Variants in PHRF1 observed in about 807,000 individuals in gnomAD.
The protein encoded by PHRF1 is PHD and ring finger domains 1.
In PHRF1, 53 loss-of-function variants were observed where a neutral mutation model predicts 128.9. That is an observed-to-expected ratio of 0.41 (90% CI 0.33 to 0.52). The LOEUF is 0.52. Ranked by LOEUF, PHRF1 falls within the 20% of genes least tolerant of loss-of-function variation. The pLI is 0.21. For synonymous variants in PHRF1, 1,178 were observed against 980.6 expected (o/e 1.20, Z -3.76); for missense variants, 2,503 against 2,284.5 (o/e 1.10, Z -1.95).
rs750849137 is a variant in PHRF1 at position 608,099 on chromosome 11, C to T, written c.2643C>T (p.Ser881=). ...TGCAGGCTGTGCGCTGCGTCACCTC[C>T]TACACGGTGGAGAGCATCTTTGGTA... is the stretch of plus-strand genomic sequence containing the variant. ...QTVQAVRCVT[S]YTVESIFGTE... The change falls in exon 14 of 18, where the codon TCC becomes TCT. Residue 881 remains serine (S), a synonymous_variant. Coordinates refer to ENST00000264555, the MANE Select transcript of PHRF1 (RefSeq NM_001286581.2). 1.2e-6 allele frequency: 2 copies of T among 1,611,886 alleles called. No individual in the cohort carries two copies.
At position 611,078 on chromosome 11, in the gene PHRF1, A is replaced by C; in HGVS notation, c.4802A>C (p.Gln1601Pro). 1 of 1,612,784 alleles carries C rather than the reference A, an allele frequency of 6.2e-7. No individual in the cohort carries two copies. The highest frequency in any genetic ancestry group is 8.5e-7 in the Non-Finnish European group (1 of 1,179,636). The change falls in exon 17 of 18, where the codon CAG becomes CCG. Residue 1601 changes from glutamine (Q) to proline (P), a missense_variant. Physicochemically the swap from Gln to Pro is moderately conservative, Grantham distance 76 (BLOSUM62 -1). Transcript: ENST00000264555. Reference protein sequence around the residue: ...EYKDILRKAVQKICHSKSGEI... With the variant: ...EYKDILRKAVPKICHSKSGEI... ...AAGGACATCCTGCGCAAGGCCGTGC[A>C]GAAGGTGGGCTGTGTGCGAGCCTGT... is the stretch of plus-strand genomic sequence containing the variant.
At chr11:593,583 T>C (rs528920573) in intron 6 of PHRF1, among the ~76,000 whole-genome samples, 8 of 152,334 alleles carry the variant, frequency 5.3e-5, no homozygotes, top group South Asian at 4.1e-4. Flanking sequence ...AGGCCTCTGC[T>C]CCACTCACGC....
intron 13 of PHRF1, 66 bp downstream of exon 13, chr11:606,662 A>C: frequency 6.6e-7 from 1 of 1,516,114 alleles, no homozygotes; most frequent in Non-Finnish European, 8.8e-7. Flanking sequence ...GTTCGCAAGC[A>C]CTCAGCCCAT....
At chr11:582,375 C>T (rs1854259514) in intron 3 of PHRF1, among the ~76,000 whole-genome samples, 1 of 151,548 alleles carries the variant, frequency 6.6e-6, no homozygotes, top group South Asian at 2.1e-4. Context: ...AGTGATTCTC[C>T]TGGCTCAGCC....
chr11:581,221 G>T (rs1854182729), intron 1 of PHRF1, among the ~76,000 whole-genome samples: 1 of 152,110 alleles, frequency 6.6e-6, no homozygotes, highest in Non-Finnish European at 1.5e-5. Context: ...CATGTGTAAG[G>T]CTTACTGGTG....
chr11:578,630 A>G (rs1253743313), intron 1 of PHRF1, among the ~76,000 whole-genome samples: 1 of 152,172 alleles, frequency 6.6e-6, no homozygotes, highest in African/African-American at 2.4e-5. Context: ...TTGTTCACAT[A>G]CTATGGCTCA....
Position 601,563 on chromosome 11 carries a change from C to T in PHRF1, c.1025-11C>T, listed in dbSNP as rs375934690. On this transcript the variant is annotated splice_polypyrimidine_tract_variant and intron_variant, in intron 9 of 17. Transcript: ENST00000264555. ...CACAGAGAAGCACAGACTTCAACCT[C>T]TTTTCCTTAGGAAGACGGAAGAAAG... is the stretch of plus-strand genomic sequence containing the variant. 2 of 1,613,562 alleles carry T rather than the reference C, an allele frequency of 1.2e-6. No individual in the cohort carries two copies. The highest frequency in any genetic ancestry group is 1.1e-5 in the South Asian group (1 of 91,074).
chr11:610,721 C>A lies in PHRF1; in HGVS notation c.4637C>A (p.Pro1546Gln). 1 of 1,602,456 alleles carries A rather than the reference C, an allele frequency of 6.2e-7. No homozygotes were observed. The highest frequency in any genetic ancestry group is 8.5e-7 in the Non-Finnish European group (1 of 1,179,790). The change falls in exon 16 of 18, where the codon CCG becomes CAG. Residue 1546 changes from proline (P) to glutamine (Q), a missense_variant. Physicochemically the swap from Pro to Gln is moderately conservative, Grantham distance 76. Transcript: ENST00000264555. ...GCCAGCAACTCGGAGGAGAAGACCCCGGCCCCCAGGCTAGCTGCGGAGAAA... is the reference window on the plus strand; with the variant it reads ...GCCAGCAACTCGGAGGAGAAGACCCAGGCCCCCAGGCTAGCTGCGGAGAAA... Reference protein sequence around the residue: ...TAASNSEEKTPAPRLAAEKTK... With the variant: ...TAASNSEEKTQAPRLAAEKTK...
In PHRF1 at chr11:581,623, C is replaced by CG. The variant is rs1564837488; in HGVS notation, c.94+20dup. 1 of 1,596,822 alleles carries CG rather than the reference C, an allele frequency of 6.3e-7. No individual in the cohort carries two copies. The highest frequency in any genetic ancestry group is 8.5e-7 in the Non-Finnish European group (1 of 1,169,592). ...GTGACTTTGGTGAGCTGCCTAGCGC[C>CG]GGGTAGGGGCGTCCCCAGGAGGAGC... is the stretch of plus-strand genomic sequence containing the variant. On this transcript the variant is annotated intron_variant, in intron 2 of 17. Coordinates refer to ENST00000264555, the MANE Select transcript of PHRF1 (RefSeq NM_001286581.2).
At chr11:578,179 G>C (rs1853997831) in intron 1 of PHRF1, among the ~76,000 whole-genome samples, 1 of 152,256 alleles carries the variant, frequency 6.6e-6, no homozygotes, top group South Asian at 2.1e-4. Flanking sequence ...TACAGGTCCT[G>C]GTGGTCCCAA....
chr11:582,384 C>T (rs1854259954), intron 3 of PHRF1, among the ~76,000 whole-genome samples: 1 of 151,918 alleles, frequency 6.6e-6, no homozygotes, highest in African/African-American at 2.4e-5. Flanking sequence ...CCTGGCTCAG[C>T]CTCGTGAGTA....
chr11:586,225 C>G (rs962477715), intron 3 of PHRF1, among the ~76,000 whole-genome samples: 3 of 151,992 alleles, frequency 2.0e-5, no homozygotes, highest in African/African-American at 7.3e-5. Context: ...ATCTCCTGAC[C>G]TCGTGATCTG....
At chr11:590,515 A>C (rs1002474194) in intron 4 of PHRF1, among the ~76,000 whole-genome samples, 4 of 152,174 alleles carry the variant, frequency 2.6e-5, no homozygotes, top group Non-Finnish European at 5.9e-5. Context: ...AAGGGCCCGA[A>C]GACCAGGGTG....
chr11:582,026 C>T lies in PHRF1; in HGVS notation c.159C>T (p.Gly53=), dbSNP rs762642711. 1 of 1,608,120 alleles carries T rather than the reference C, an allele frequency of 6.2e-7. No individual in the cohort carries two copies. Among genetic ancestry groups the T allele is most frequent in the South Asian group, 1.1e-5 (1 of 89,560 alleles). ...GDDSDSEHGD[G]TDGEDEGASE... ...ACAGTGACAGCGAGCATGGAGATGG[C>T]ACAGACGGAGAAGACGAGGGGGCGT... Residue 53 remains glycine, a synonymous_variant, in exon 3 of 18, where the codon GGC becomes GGT. Transcript: ENST00000264555.
intron 10 of PHRF1, among the ~76,000 whole-genome samples, chr11:602,748 TG>T (rs1855702364): frequency 6.6e-6 from 1 of 150,492 alleles, no homozygotes; most frequent in African/African-American, 2.5e-5. Context: ...GAATCTTTTT[TG>T]GTTTTGTTTT....
intron 1 of PHRF1, among the ~76,000 whole-genome samples, chr11:577,499 G>A (rs1249684641): frequency 6.6e-6 from 1 of 152,234 alleles, no homozygotes; most frequent in African/African-American, 2.4e-5. Flanking sequence ...TTTCTTATTG[G>A]AAGAATGTTA....
Position 607,668 on chromosome 11 carries a change from C to T in PHRF1, c.2212C>T (p.Pro738Ser). 6.2e-7 allele frequency: 1 copy of T among 1,610,130 alleles called. No homozygotes were observed. The highest frequency in any genetic ancestry group is 8.5e-7 in the Non-Finnish European group (1 of 1,178,286). ...RAESEASSRV[P>S]REPGVHTGSS... Reference sequence around the variant, plus strand: ...AGAGAGCGAGGCCAGCAGCAGGGTGCCCCGGGAGCCCGGGGTGCACACGGG... The same window carrying T: ...AGAGAGCGAGGCCAGCAGCAGGGTGTCCCGGGAGCCCGGGGTGCACACGGG... Residue 738 changes from proline (P) to serine (S), a missense_variant, in exon 14 of 18, where the codon CCC becomes TCC. By Grantham distance (74) the Pro-to-Ser change is moderately conservative (BLOSUM62 -1). Coordinates refer to ENST00000264555, the MANE Select transcript of PHRF1 (RefSeq NM_001286581.2).
chr11:583,848 C>T (rs1338440775), intron 3 of PHRF1, among the ~76,000 whole-genome samples: 1 of 152,196 alleles, frequency 6.6e-6, no homozygotes, highest in Non-Finnish European at 1.5e-5. Flanking sequence ...AGGAGGTGGC[C>T]CTGCCCCGGC....
At chr11:603,997 C>G (rs1268661581) in intron 10 of PHRF1, among the ~76,000 whole-genome samples, 1 of 152,208 alleles carries the variant, frequency 6.6e-6, no homozygotes, top group Non-Finnish European at 1.5e-5. Flanking sequence ...GCCACCATGC[C>G]TGGCCCTCTT....
Sources: gnomAD v4.1 joint callset for allele counts (sites outside exome capture counted in the v4.1 genomes callset) on GRCh38, gnomAD v4.1.1 for gene constraint, MANE v1.5 for transcripts, NCBI Gene and HGNC (gene_info 2026-07-23, HGNC 2026-07-21) for gene names.